Variants in RGS6 observed in about 807,000 individuals in gnomAD.
RGS6 encodes regulator of G-protein signaling 6.
Under a neutral mutation model 78.5 loss-of-function variants are expected in RGS6, and 30 were observed. The ratio of observed to expected loss-of-function variants is 0.38; its 90% CI spans 0.29 to 0.52. RGS6 has a LOEUF of 0.52. RGS6 is among the 20% of genes least tolerant of loss of function. RGS6 has a pLI of 0.85. For synonymous variants in RGS6, 206 were observed against 206.0 expected, an observed-to-expected ratio of 1.00 and a Z score of 0.00; for missense variants, 495 against 609.7, an observed-to-expected ratio of 0.81 and a Z score of 1.98.
At chr14:72,322,944 T>G (rs1002016157) in intron 2 of RGS6, among the ~76,000 whole-genome samples, 2 of 152,086 alleles carry the variant, frequency 1.3e-5, no homozygotes, top group African/African-American at 4.8e-5. Context: ...CCAAAGCTAC[T>G]GATACAACTG....
intron 3 of RGS6, among the ~76,000 whole-genome samples, chr14:72,451,967 G>T (rs1299309847): frequency 6.6e-6 from 1 of 152,118 alleles, no homozygotes; most frequent in Non-Finnish European, 1.5e-5. Context: ...GGCCAGGATG[G>T]TCTCAAACTC....
At chr14:71,879,751 T>C in the RGS6 span, among the ~76,000 whole-genome samples, 1 of 152,234 alleles carries the variant, frequency 6.6e-6, no homozygotes, top group Admixed American at 6.5e-5. Flanking sequence ...TCTTTTTCTT[T>C]ATAAATTACC....
At chr14:72,155,517 A>G (rs187263330) in intron 2 of RGS6, among the ~76,000 whole-genome samples, 53 of 152,322 alleles carry the variant, frequency 3.5e-4, no homozygotes, top group African/African-American at 1.2e-3. Flanking sequence ...GTGTCATTTC[A>G]GGAGAAATGA....
intron 15 of RGS6, among the ~76,000 whole-genome samples, chr14:72,531,170 C>T (rs1424812304): frequency 1.3e-5 from 2 of 152,066 alleles, no homozygotes; most frequent in African/African-American, 4.8e-5. Context: ...CGGTGGCTCA[C>T]GCCTGTAATC....
At chr14:72,186,323 G>A (rs971089747) in intron 2 of RGS6, among the ~76,000 whole-genome samples, 9 of 152,222 alleles carry the variant, frequency 5.9e-5, no homozygotes, top group Non-Finnish European at 1.2e-4. Flanking sequence ...GAATACAGCC[G>A]AGTTTGCGTA....
chr14:72,253,963 G>A lies in RGS6; in HGVS notation c.85-98132G>A, dbSNP rs142428345. On this transcript the variant is annotated intron_variant, in intron 2 of 17. Coordinates refer to ENST00000553525, the MANE Select transcript of RGS6 (RefSeq NM_001204424.2). ...TCACTGCCATCCCAGGGCACCTCAC[G>A]TGGCATTCTTTGTTACTGACTTCTT... Among the ~76,000 whole-genome samples the A allele has an allele frequency of 2.6e-4, 39 of 152,252 alleles. 1 individual carries two copies. In the East Asian group the frequency reaches 7.3e-3, roughly 29 times the overall value.
At chr14:71,989,897 T>C (rs2094882180) in intron 2 of RGS6, among the ~76,000 whole-genome samples, 2 of 151,640 alleles carry the variant, frequency 1.3e-5, no homozygotes, top group Non-Finnish European at 2.9e-5. Context: ...ATCCATTGCT[T>C]GAGTTTCAGT....
intron 12 of RGS6, among the ~76,000 whole-genome samples, chr14:72,483,105 CTT>C (rs892303588): frequency 3.9e-5 from 6 of 152,136 alleles, no homozygotes; most frequent in Admixed American, 1.3e-4. Context: ...AAGGGAGTCC[CTT>C]TTTTTATTCA....
chr14:72,151,705 C>T (rs997304574), intron 2 of RGS6, among the ~76,000 whole-genome samples: 15 of 152,016 alleles, frequency 9.9e-5, no homozygotes, highest in African/African-American at 3.4e-4. Context: ...ACTTGGCATA[C>T]ACATTGTAGA....
At chr14:71,962,324 C>G (rs902624835) in intron 1 of RGS6, among the ~76,000 whole-genome samples, 4 of 152,136 alleles carry the variant, frequency 2.6e-5, no homozygotes, top group African/African-American at 7.2e-5. Flanking sequence ...GGAGGCCTGA[C>G]ACGTTTGTTT....
At position 72,023,552 on chromosome 14, in the gene RGS6, G is replaced by A. The variant is rs371757896; in HGVS notation, c.84+58677G>A. 9.8e-5 allele frequency among the ~76,000 whole-genome samples: 15 copies of A among 152,322 alleles called. No individual in the cohort carries two copies. The East Asian group carries it at 1.7e-3, about 18-fold the overall frequency. On this transcript the variant is annotated intron_variant, in intron 2 of 17. Transcript: ENST00000553525. ...GAAACTGAGAGAAGGCAACTGGAAC[G>A]TTTCTCTTAATCCACTGTCCCTCAC...
intron 2 of RGS6, among the ~76,000 whole-genome samples, chr14:71,995,635 A>G (rs2095168193): frequency 6.6e-6 from 1 of 152,180 alleles, no homozygotes; most frequent in Non-Finnish European, 1.5e-5. Flanking sequence ...AAATGATTTA[A>G]TGCGCATCAG....
At position 72,284,193 on chromosome 14, in the gene RGS6, A is replaced by G. The variant is rs550562115; in HGVS notation, c.85-67902A>G. On this transcript the variant is annotated intron_variant, in intron 2 of 17. Coordinates refer to ENST00000553525, the MANE Select transcript of RGS6 (RefSeq NM_001204424.2). Reference sequence around the variant, plus strand: ...CAGAAAATTTGCAGCCTGATGACGCAGTAGAAAAACCCATTTTCTGAGGAG... The same window carrying G: ...CAGAAAATTTGCAGCCTGATGACGCGGTAGAAAAACCCATTTTCTGAGGAG... Among the ~76,000 whole-genome samples, 5 of 152,392 alleles carry G rather than the reference A, an allele frequency of 3.3e-5. No individual in the cohort carries two copies. The East Asian group carries it at 5.8e-4, about 18-fold the overall frequency.
rs549709875 is a variant in RGS6, at chr14:72,085,354, G to T, written c.84+120479G>T. Among the ~76,000 whole-genome samples the T allele has an allele frequency of 2.8e-3, 420 of 152,272 alleles. 1 individual carries two copies. Among genetic ancestry groups the T allele is most frequent in the Middle Eastern group, 0.027 (8 of 294 alleles). On this transcript the variant is annotated intron_variant, in intron 2 of 17. Transcript: ENST00000553525. ...CCAGCGAGGTTAAGTCACTTGCTCA[G>T]TGTCCCTCAGTATTAAGTGATAAAG...
intron 12 of RGS6, among the ~76,000 whole-genome samples, chr14:72,482,079 G>A (rs548582812): frequency 1.9e-4 from 29 of 152,092 alleles, no homozygotes; most frequent in Middle Eastern, 3.4e-3. Context: ...CAAAGTGCTG[G>A]GATTACAGGC....
intron 2 of RGS6, among the ~76,000 whole-genome samples, chr14:72,312,777 A>G (rs901192860): frequency 3.3e-5 from 5 of 152,184 alleles, no homozygotes; most frequent in Non-Finnish European, 7.3e-5. Context: ...CATAAGTAGC[A>G]TTTGGGGATG....
chr14:72,294,161 T>A (rs148412571), intron 2 of RGS6, among the ~76,000 whole-genome samples: 174 of 152,330 alleles, frequency 1.1e-3, no homozygotes, highest in African/African-American at 3.9e-3. Flanking sequence ...AATAAGCACA[T>A]TTCCTAATGG....
intron 2 of RGS6, among the ~76,000 whole-genome samples, chr14:72,125,858 C>G (rs898296472): frequency 2.0e-5 from 3 of 152,108 alleles, no homozygotes; most frequent in African/African-American, 7.2e-5. Flanking sequence ...GGTTGGTGGT[C>G]TCAGCCAGTT....
the RGS6 span, among the ~76,000 whole-genome samples, chr14:72,608,586 T>G: frequency 2.0e-5 from 3 of 152,110 alleles, no homozygotes; most frequent in African/African-American, 7.2e-5. Flanking sequence ...TCAACCTCCC[T>G]TCTCCTAGAA....
Sources: allele counts gnomAD v4.1 joint callset (sites outside exome capture counted in the v4.1 genomes callset), GRCh38; gene constraint gnomAD v4.1.1; transcripts MANE v1.5; gene names NCBI Gene and HGNC (gene_info 2026-07-23, HGNC 2026-07-21).